The following TSEN2 variants were observed in gnomAD, a reference collection of about 807,000 sequenced individuals.
TSEN2 encodes tRNA-splicing endonuclease subunit Sen2.
Under a neutral mutation model 59.2 loss-of-function variants are expected in TSEN2, and 54 were observed. The ratio of observed to expected loss-of-function variants is 0.91; its 90% CI spans 0.73 to 1.14. TSEN2 has a LOEUF of 1.14. TSEN2 is among the 50% of genes most tolerant of loss of function. The probability of loss-of-function intolerance (pLI) is 0.00; values close to 1 mark genes in which losing one functional copy is unlikely to be tolerated. For synonymous variants in TSEN2, 195 were observed against 198.2 expected, an observed-to-expected ratio of 0.98 and a Z score of 0.14; for missense variants, 636 against 576.2, an observed-to-expected ratio of 1.10 and a Z score of -1.06.
At chr3:12,519,613 G>A (rs927646636) in intron 8 of TSEN2, among the ~76,000 whole-genome samples, 3 of 152,136 alleles carry the variant, frequency 2.0e-5, no homozygotes, top group African/African-American at 7.2e-5. Flanking sequence ...GGGCGTGGTA[G>A]CGGGTGTCTG....
At chr3:12,489,644 T>G in intron 1 of TSEN2, 140 bp from the exon 2 acceptor site, 1 of 697,920 alleles carries the variant, frequency 1.4e-6, no homozygotes, top group Non-Finnish European at 2.5e-6. Flanking sequence ...TTACTGCTTT[T>G]AGTTTATTGC....
chr3:12,482,215 C>T (rs951726297), upstream of TSEN2, among the ~76,000 whole-genome samples: 4 of 152,216 alleles, frequency 2.6e-5, no homozygotes, highest in East Asian at 1.9e-4. Context: ...TCCACCTCCC[C>T]GGTTCAAGCA....
At chr3:12,510,171 G>C (rs1415054836) in intron 6 of TSEN2, among the ~76,000 whole-genome samples, 1 of 152,188 alleles carries the variant, frequency 6.6e-6, no homozygotes, top group East Asian at 1.9e-4. Flanking sequence ...CTAGACTGGA[G>C]GCAGTGTGGT....
At chr3:12,527,506 TG>T (rs1339374708) in intron 8 of TSEN2, among the ~76,000 whole-genome samples, 1 of 148,668 alleles carries the variant, frequency 6.7e-6, no homozygotes, top group Non-Finnish European at 1.5e-5. Context: ...CAGGCTGGAG[TG>T]CAGTGGCGGG....
chr3:12,503,253 G>T lies in TSEN2; in HGVS notation c.309-9G>T, dbSNP rs760332839. The T allele has an allele frequency of 1.4e-5, 22 of 1,614,078 alleles. No individual in the cohort carries two copies. Among genetic ancestry groups the T allele is most frequent in the Non-Finnish European group, 1.8e-5 (21 of 1,180,020 alleles). The stretch of plus-strand genomic sequence containing the variant: ...GAGTGCTGTTTCTAACAGTATTTCT[G>T]TCTTGCAGGTATCAGCATAGTGTTG... On this transcript the variant is annotated splice_polypyrimidine_tract_variant and intron_variant, in intron 4 of 11. Transcript: ENST00000284995.
intron 3 of TSEN2, among the ~76,000 whole-genome samples, chr3:12,492,766 A>G (rs1384387427): frequency 6.6e-6 from 1 of 152,256 alleles, no homozygotes; most frequent in African/African-American, 2.4e-5. Context: ...ACATGTCAAC[A>G]ATCAGGCAGA....
chr3:12,508,063 T>C (rs2055028252), intron 6 of TSEN2, among the ~76,000 whole-genome samples: 1 of 152,002 alleles, frequency 6.6e-6, no homozygotes. Flanking sequence ...GGGGATTCCG[T>C]AGGGGAGTGG....
At position 12,496,566 on chromosome 3, in the gene TSEN2, T is replaced by C. The variant is rs1365718895; in HGVS notation, c.308+12T>C. 1 of 1,614,092 alleles carries C rather than the reference T, an allele frequency of 6.2e-7. No individual in the cohort carries two copies. ...ATCACATCAAAGAGGTAAGTCATAA[T>C]GAACTTTGGCTTCTGTCAAAATGAT... On this transcript the variant is annotated intron_variant, in intron 4 of 11. Coordinates refer to ENST00000284995, the MANE Select transcript of TSEN2 (RefSeq NM_025265.4).
At chr3:12,510,797 A>T (rs572562570) in intron 6 of TSEN2, among the ~76,000 whole-genome samples, 34 of 152,286 alleles carry the variant, frequency 2.2e-4, no homozygotes, top group Non-Finnish European at 3.2e-4. Context: ...GCAATAGGTC[A>T]GTGACTTTCC....
chr3:12,496,908 C>T (rs529850223), intron 4 of TSEN2, among the ~76,000 whole-genome samples: 1 of 152,340 alleles, frequency 6.6e-6, no homozygotes, highest in South Asian at 2.1e-4. Context: ...CCTCCAGCTA[C>T]ACTGTAGGGT....
At chr3:12,516,572 C>T in intron 6 of TSEN2, 39 bp from the exon 7 acceptor site, 1 of 1,603,690 alleles carries the variant, frequency 6.2e-7, no homozygotes, top group Non-Finnish European at 8.5e-7. Context: ...GAATGTGAAA[C>T]TATTTGTAAT....
chr3:12,502,046 T>C (rs927072733), intron 4 of TSEN2, among the ~76,000 whole-genome samples: 28 of 152,332 alleles, frequency 1.8e-4, no homozygotes, highest in African/African-American at 6.5e-4. Flanking sequence ...CTGCAAAGTA[T>C]TGTGAGGAAA....
intron 6 of TSEN2, 122 bp from the exon 7 acceptor site, chr3:12,516,489 A>T (rs967969106): frequency 1.1e-5 from 7 of 644,002 alleles, no homozygotes; most frequent in South Asian, 4.6e-5. Flanking sequence ...TGTGTGTGTG[A>T]CCTTTTTGAT....
chr3:12,538,608 CAGTT>C (rs756784543), downstream of TSEN2, among the ~76,000 whole-genome samples: 19 of 152,048 alleles, frequency 1.2e-4, no homozygotes, highest in Non-Finnish European at 2.5e-4. Context: ...AATTAGACAT[CAGTT>C]AGTACCAAGG....
At chr3:12,496,354 G>A (rs1381275385) in intron 3 of TSEN2, among the ~76,000 whole-genome samples, 164 bp from the exon 4 acceptor site, 1 of 152,234 alleles carries the variant, frequency 6.6e-6, no homozygotes, top group East Asian at 1.9e-4. Context: ...TGGGTTCAGG[G>A]AAGGACGGCA....
At chr3:12,507,267 A>C (rs1352300376) in intron 6 of TSEN2, among the ~76,000 whole-genome samples, 1 of 152,172 alleles carries the variant, frequency 6.6e-6, no homozygotes, top group Admixed American at 6.5e-5. Flanking sequence ...CAAACACTGA[A>C]CAGCCACGTG....
Position 12,530,024 on chromosome 3 carries a change from C to T in TSEN2, c.1248+151C>T, listed in dbSNP as rs2057362827. The T allele has an allele frequency of 3.4e-6, 5 of 1,463,772 alleles. No homozygotes were observed. In the African/African-American group the frequency reaches 5.7e-5, roughly 17 times the overall value. 90.7% of individuals were successfully genotyped at this position (1,463,772 alleles called of 1,614,324 possible). A position where few individuals can be genotyped will look rare whatever the true frequency, so the allele number is the denominator to read the frequency against. ...GCTGGAAGATTTGGGGTCATTCGTACCCTTCCCTTATTGCGCTAGAAGTTG... is the reference window on the plus strand; with the variant it reads ...GCTGGAAGATTTGGGGTCATTCGTATCCTTCCCTTATTGCGCTAGAAGTTG... On this transcript the variant is annotated intron_variant, in intron 10 of 11. Transcript: ENST00000284995.
At chr3:12,494,656 C>T (rs1421263458) in intron 3 of TSEN2, among the ~76,000 whole-genome samples, 1 of 151,840 alleles carries the variant, frequency 6.6e-6, no homozygotes, top group Non-Finnish European at 1.5e-5. Context: ...CTGCCTTGGC[C>T]TCCCAAAGTG....
chr3:12,493,619 C>T (rs2053451775), intron 3 of TSEN2, among the ~76,000 whole-genome samples: 1 of 152,132 alleles, frequency 6.6e-6, no homozygotes, highest in South Asian at 2.1e-4. Flanking sequence ...CCCAGCTACT[C>T]AGGAGGCTGA....
Sources: allele counts gnomAD v4.1 joint callset (sites outside exome capture counted in the v4.1 genomes callset), GRCh38; gene constraint gnomAD v4.1.1; transcripts MANE v1.5; gene names NCBI Gene and HGNC (gene_info 2026-07-23, HGNC 2026-07-21).